Variants in XYLT1 observed in about 807,000 individuals in gnomAD.
XYLT1 encodes beta-D-xylosyltransferase 1.
XYLT1 carries 36 observed loss-of-function variants against 91.3 expected under a neutral mutation model. That is an observed-to-expected ratio of 0.39 (90% CI 0.30 to 0.52). The LOEUF (loss-of-function observed/expected upper bound fraction) is 0.52, where lower values mean the gene tolerates loss of function less well. XYLT1 is among the 20% of genes least tolerant of loss of function. XYLT1 has a pLI of 0.68. For synonymous variants in XYLT1, 588 were observed against 532.0 expected (o/e 1.11, Z -1.45); for missense variants, 1,242 against 1,284.5 (o/e 0.97, Z 0.51).
At chr16:17,314,612 T>C (rs752580261) in intron 2 of XYLT1, among the ~76,000 whole-genome samples, 6 of 151,546 alleles carry the variant, frequency 4.0e-5, no homozygotes, top group Non-Finnish European at 5.9e-5. Context: ...TTATTATCTA[T>C]CCCCTCCCAT....
intron 1 of XYLT1, among the ~76,000 whole-genome samples, chr16:17,408,574 G>T (rs1474218097): frequency 1.3e-5 from 2 of 152,228 alleles, no homozygotes; most frequent in African/African-American, 4.8e-5. Flanking sequence ...GGCCGGGGAT[G>T]GTGGCTTAGG....
At chr16:17,266,066 C>T (rs2033798739) in intron 2 of XYLT1, among the ~76,000 whole-genome samples, 2 of 152,142 alleles carry the variant, frequency 1.3e-5, no homozygotes, top group Admixed American at 6.5e-5. Flanking sequence ...CCTTAAGAGA[C>T]CAGGAACTGA....
At chr16:17,187,327 G>C (rs2032205413) in intron 5 of XYLT1, among the ~76,000 whole-genome samples, 1 of 146,518 alleles carries the variant, frequency 6.8e-6, no homozygotes, top group Admixed American at 7.0e-5. Context: ...CAGGGAGGCG[G>C]AGCTTGCAAT....
At chr16:17,143,823 TC>T in intron 6 of XYLT1, among the ~76,000 whole-genome samples, 2 of 81,616 alleles carry the variant, frequency 2.5e-5, no homozygotes, top group African/African-American at 1.3e-4. Context: ...ATCACCACTG[TC>T]ATCACCACCA....
chr16:17,215,331 C>T (rs1338611458), intron 3 of XYLT1, among the ~76,000 whole-genome samples: 1 of 152,178 alleles, frequency 6.6e-6, no homozygotes, highest in Admixed American at 6.6e-5. Context: ...CAAAACAAGA[C>T]TGCCTCTGAA....
chr16:17,190,570 T>C (rs1450265453), intron 5 of XYLT1, among the ~76,000 whole-genome samples: 1 of 151,944 alleles, frequency 6.6e-6, no homozygotes, highest in Non-Finnish European at 1.5e-5. Context: ...TTGCGATAGT[T>C]TGCCAAGGAT....
chr16:17,189,667 G>A (rs776485331), intron 5 of XYLT1, among the ~76,000 whole-genome samples: 27 of 152,214 alleles, frequency 1.8e-4, no homozygotes, highest in Non-Finnish European at 3.5e-4. Flanking sequence ...CACATGCTAC[G>A]ATGCAGATGA....
At chr16:17,134,442 C>T (rs978156462) in intron 9 of XYLT1, 31 bp downstream of exon 9, 4 of 1,610,240 alleles carry the variant, frequency 2.5e-6, no homozygotes, top group Middle Eastern at 3.3e-4. Flanking sequence ...TGCTTCTCAG[C>T]TCTCCTCTCT....
chr16:17,345,961 C>T (rs1004458980), intron 2 of XYLT1, among the ~76,000 whole-genome samples: 2 of 152,142 alleles, frequency 1.3e-5, no homozygotes, highest in Admixed American at 1.3e-4. Context: ...TAGGCGTGTG[C>T]CACCACACGT....
At chr16:17,114,914 A>T (rs963731909) in intron 11 of XYLT1, among the ~76,000 whole-genome samples, 10 of 151,688 alleles carry the variant, frequency 6.6e-5, no homozygotes, top group African/African-American at 2.4e-4. Context: ...GCGTGATCTC[A>T]GTTCACTGCA....
intron 1 of XYLT1, among the ~76,000 whole-genome samples, chr16:17,384,712 G>A (rs1355638934): frequency 1.3e-5 from 2 of 151,736 alleles, no homozygotes; most frequent in East Asian, 4.0e-4. Flanking sequence ...CCTGCCCTAG[G>A]GAAGGAAGTT....
At chr16:17,347,202 A>G in intron 2 of XYLT1, among the ~76,000 whole-genome samples, 1 of 152,146 alleles carries the variant, frequency 6.6e-6, no homozygotes, top group East Asian at 1.9e-4. Context: ...AGAACCAAGA[A>G]AAAGTGATTT....
At chr16:17,408,016 G>A (rs188542646) in intron 1 of XYLT1, among the ~76,000 whole-genome samples, 257 of 152,296 alleles carry the variant, frequency 1.7e-3, no homozygotes, top group African/African-American at 5.8e-3. Context: ...TCCACTGTGA[G>A]TGAAGCTGTC....
intron 1 of XYLT1, among the ~76,000 whole-genome samples, chr16:17,469,566 C>T (rs902447922): frequency 6.6e-6 from 1 of 152,324 alleles, no homozygotes; most frequent in Non-Finnish European, 1.5e-5. Flanking sequence ...CAGTTCCCCA[C>T]CCAGCCACCC....
rs759754636 is a variant in XYLT1, at chr16:17,158,783, A to G, written c.1370+46T>C. Reference sequence around the variant, plus strand: ...TAGAAAATTCCCCAAATGATCACTCAGATTTTCATTTCCATTTTGTACAGG... The same window carrying G: ...TAGAAAATTCCCCAAATGATCACTCGGATTTTCATTTCCATTTTGTACAGG... On this transcript the variant is annotated intron_variant, in intron 6 of 11. Coordinates refer to ENST00000261381, the MANE Select transcript of XYLT1 (RefSeq NM_022166.4). 2.5e-6 allele frequency: 4 copies of G among 1,598,108 alleles called. No homozygotes were observed. In the African/African-American group the frequency reaches 4.0e-5, roughly 16 times the overall value.
chr16:17,171,710 T>C (rs2031823806), intron 5 of XYLT1, among the ~76,000 whole-genome samples: 1 of 152,238 alleles, frequency 6.6e-6, no homozygotes, highest in African/African-American at 2.4e-5. Context: ...GTTTTTAAGC[T>C]GCATCTGGGG....
chr16:17,385,129 C>T (rs913731092), intron 1 of XYLT1, among the ~76,000 whole-genome samples: 2 of 151,778 alleles, frequency 1.3e-5, no homozygotes, highest in Admixed American at 6.6e-5. Flanking sequence ...AGACATGATC[C>T]GATGAAGAGA....
intron 1 of XYLT1, among the ~76,000 whole-genome samples, chr16:17,370,526 G>A (rs1436186487): frequency 2.0e-5 from 3 of 152,176 alleles, no homozygotes; most frequent in Non-Finnish European, 2.9e-5. Context: ...GGTAAAGTGT[G>A]TGGTCTCACA....
intron 3 of XYLT1, among the ~76,000 whole-genome samples, chr16:17,236,608 C>T (rs111248495): frequency 0.023 from 3,568 of 152,242 alleles, 54 homozygotes; most frequent in Non-Finnish European, 0.035. Context: ...CTCATAGTGC[C>T]GGAGGCTGGA....
Sources: gnomAD v4.1 joint callset for allele counts (sites outside exome capture counted in the v4.1 genomes callset) on GRCh38, gnomAD v4.1.1 for gene constraint, MANE v1.5 for transcripts, NCBI Gene and HGNC (gene_info 2026-07-23, HGNC 2026-07-21) for gene names.